CTNNA2: variants seen among roughly 807,000 people sequenced by gnomAD.
CTNNA2 encodes the protein catenin alpha 2.
Under a neutral mutation model 101.0 loss-of-function variants are expected in CTNNA2, and 42 were observed. That is an observed-to-expected ratio of 0.42 (90% confidence interval 0.32 to 0.54). The LOEUF is 0.54. Ranked by LOEUF, CTNNA2 falls within the 20% of genes least tolerant of loss-of-function variation. The pLI, the probability that CTNNA2 is intolerant of heterozygous loss-of-function variation, is 0.14. For missense variants in CTNNA2, 871 were observed against 1,223.1 expected (o/e 0.71, Z 4.29); for synonymous variants, 450 against 456.4 (o/e 0.99, Z 0.18).
intron 7 of CTNNA2, among the ~76,000 whole-genome samples, chr2:80,100,917 C>A (rs1351853): frequency 0.024 from 3,601 of 152,260 alleles, 112 homozygotes; most frequent in East Asian, 0.072. Context: ...TTCCAGTTGT[C>A]AGTCTAGGAG....
At chr2:80,398,737 C>G (rs1041682231) in intron 8 of CTNNA2, among the ~76,000 whole-genome samples, 1 of 150,004 alleles carries the variant, frequency 6.7e-6, no homozygotes, top group African/African-American at 2.5e-5. Context: ...CATGGTGGCA[C>G]GTGCCTGTAA....
intron 9 of CTNNA2, among the ~76,000 whole-genome samples, chr2:80,519,540 A>G (rs1007330491): frequency 6.6e-6 from 1 of 152,244 alleles, no homozygotes; most frequent in Non-Finnish European, 1.5e-5. Flanking sequence ...TATTGGCAAC[A>G]GCATTGTTAC....
chr2:79,306,597 C>T (rs938945504), intron 2 of CTNNA2, among the ~76,000 whole-genome samples: 3 of 152,170 alleles, frequency 2.0e-5, no homozygotes, highest in African/African-American at 7.2e-5. Flanking sequence ...TTAGGTATTG[C>T]AGACAATGCT....
chr2:79,804,158 AC>A (rs1425065983), intron 3 of CTNNA2, among the ~76,000 whole-genome samples: 1 of 152,254 alleles, frequency 6.6e-6, no homozygotes, highest in Non-Finnish European at 1.5e-5. Context: ...ATGGGAAAAC[AC>A]ACCTATTTTT....
intron 18 of CTNNA2, among the ~76,000 whole-genome samples, chr2:80,628,306 A>G (rs1489181961): frequency 6.6e-6 from 1 of 152,072 alleles, no homozygotes; most frequent in Non-Finnish European, 1.5e-5. Context: ...CCACATAGCC[A>G]AGACAATCCT....
chr2:79,186,368 A>C (rs1673779078), intron 1 of CTNNA2, among the ~76,000 whole-genome samples: 1 of 152,216 alleles, frequency 6.6e-6, no homozygotes, highest in African/African-American at 2.4e-5. Context: ...CAAGGATAAG[A>C]AATAAGAGTG....
chr2:80,399,937 T>C (rs1678402122), intron 8 of CTNNA2, among the ~76,000 whole-genome samples: 1 of 152,186 alleles, frequency 6.6e-6, no homozygotes, highest in Non-Finnish European at 1.5e-5. Context: ...GAACATTCAT[T>C]TTACTACACC....
intron 4 of CTNNA2, among the ~76,000 whole-genome samples, chr2:79,468,112 G>A (rs558905158): frequency 6.6e-6 from 1 of 152,176 alleles, no homozygotes; most frequent in Non-Finnish European, 1.5e-5. Context: ...AGACCCATCA[G>A]TGTGCTGTAT....
chr2:80,102,740 G>C (rs1700619684), intron 7 of CTNNA2, among the ~76,000 whole-genome samples: 1 of 152,108 alleles, frequency 6.6e-6, no homozygotes, highest in East Asian at 1.9e-4. Context: ...TTGAACTCCT[G>C]ACTTCAAGTG....
At chr2:79,923,782 C>T (rs1229487188) in intron 7 of CTNNA2, among the ~76,000 whole-genome samples, 1 of 152,132 alleles carries the variant, frequency 6.6e-6, no homozygotes, top group Non-Finnish European at 1.5e-5. Flanking sequence ...AACTGTTTCT[C>T]TACTCTCTGT....
chr2:80,553,270 A>C (rs1181915953), intron 11 of CTNNA2, among the ~76,000 whole-genome samples: 1 of 152,016 alleles, frequency 6.6e-6, no homozygotes, highest in African/African-American at 2.4e-5. Context: ...CAATTAGTAA[A>C]TTATAAAACT....
chr2:80,424,561 G>A (rs958235831), intron 9 of CTNNA2, among the ~76,000 whole-genome samples: 7 of 152,140 alleles, frequency 4.6e-5, no homozygotes, highest in African/African-American at 1.7e-4. Context: ...CCTATTTTCT[G>A]TTGGGCAGCA....
At chr2:79,563,188 T>TATATATATATATATATATATA (rs1491331448) in intron 1 of CTNNA2, among the ~76,000 whole-genome samples, 21 of 42,308 alleles carry the variant, frequency 5.0e-4, no homozygotes, top group African/African-American at 8.1e-4. Context: ...TATATATATA[T>TATATATATATATATATATATA]TTTCCTTCAT....
intron 1 of CTNNA2, among the ~76,000 whole-genome samples, chr2:79,555,063 G>A (rs1401181287): frequency 6.6e-6 from 1 of 152,140 alleles, no homozygotes; most frequent in East Asian, 1.9e-4. Flanking sequence ...TAGGAATTAG[G>A]AGCAGATTTC....
intron 9 of CTNNA2, among the ~76,000 whole-genome samples, chr2:80,515,468 C>T (rs1395649157): frequency 1.3e-5 from 2 of 152,150 alleles, no homozygotes; most frequent in Non-Finnish European, 2.9e-5. Flanking sequence ...AGCTGAGACT[C>T]AAGAAGGAGT....
At chr2:79,453,137 C>G (rs534735312) in intron 4 of CTNNA2, among the ~76,000 whole-genome samples, 1 of 152,068 alleles carries the variant, frequency 6.6e-6, no homozygotes, top group African/African-American at 2.4e-5. Context: ...TGGATATCAG[C>G]TATGTTTCAG....
At chr2:80,619,800 A>C (rs1670924638) in intron 18 of CTNNA2, among the ~76,000 whole-genome samples, 1 of 151,932 alleles carries the variant, frequency 6.6e-6, no homozygotes, top group Non-Finnish European at 1.5e-5. Flanking sequence ...TTAAGGTCAC[A>C]GCCATTTCAA....
At chr2:79,957,210 C>T (rs575400191) in intron 7 of CTNNA2, among the ~76,000 whole-genome samples, 1 of 152,210 alleles carries the variant, frequency 6.6e-6, no homozygotes, top group South Asian at 2.1e-4. Flanking sequence ...CTCCAAATCC[C>T]GATGTCTTCA....
At chr2:80,490,918 A>C (rs551305258) in intron 9 of CTNNA2, among the ~76,000 whole-genome samples, 1 of 152,314 alleles carries the variant, frequency 6.6e-6, no homozygotes, top group Admixed American at 6.5e-5. Context: ...CTGCCATTAA[A>C]GATAGAGGAG....
Sources: allele counts gnomAD v4.1 joint callset (sites outside exome capture counted in the v4.1 genomes callset), GRCh38; gene constraint gnomAD v4.1.1; transcripts MANE v1.5; gene names NCBI Gene and HGNC (gene_info 2026-07-23, HGNC 2026-07-21).